The following RGS7 variants were observed in gnomAD, a reference collection of about 807,000 sequenced individuals.
RGS7 encodes the protein regulator of G-protein signaling 7.
Under a neutral mutation model 81.1 loss-of-function variants are expected in RGS7, and 27 were observed. The ratio of observed to expected loss-of-function variants is 0.33; its 90% CI spans 0.25 to 0.46. The LOEUF (loss-of-function observed/expected upper bound fraction) is 0.46. Ranked by LOEUF, RGS7 falls within the 20% of genes least tolerant of loss-of-function variation. RGS7 has a pLI of 1.00. For synonymous variants in RGS7, 208 were observed against 207.7 expected, an observed-to-expected ratio of 1.00 and a Z score of -0.01; for missense variants, 396 against 607.4, an observed-to-expected ratio of 0.65 and a Z score of 3.66.
At chr1:240,927,065 G>A (rs1266047148) in intron 6 of RGS7, among the ~76,000 whole-genome samples, 1 of 151,268 alleles carries the variant, frequency 6.6e-6, no homozygotes, top group East Asian at 1.9e-4. Flanking sequence ...TTTTTGTTTT[G>A]TTTTGTTTTG....
intron 2 of RGS7, among the ~76,000 whole-genome samples, chr1:241,110,249 A>C (rs934670767): frequency 3.3e-5 from 5 of 152,208 alleles, no homozygotes; most frequent in Non-Finnish European, 7.3e-5. Context: ...TAACCCTGGA[A>C]GTCCGAATCA....
At chr1:240,856,680 A>G (rs1318678681) in intron 9 of RGS7, among the ~76,000 whole-genome samples, 2 of 152,162 alleles carry the variant, frequency 1.3e-5, no homozygotes, top group Non-Finnish European at 1.5e-5. Context: ...TGTCCATACA[A>G]CCGTGGTGCA....
rs2068126605 is a variant in RGS7 at position 241,144,202 on chromosome 1, C to A, written c.79-45440G>T. On this transcript the variant is annotated intron_variant, in intron 2 of 18. Transcript: ENST00000440928. The surrounding 1 kb of genome is among the most constrained non-coding windows in gnomAD (Gnocchi z 4.7). ...CAGAGTACTTCTGGAAGCTGAACAA[C>A]AGTGTCTCCTGTTAAAAAATTCAAA... 6.6e-6 allele frequency among the ~76,000 whole-genome samples: 1 copy of A among 152,066 alleles called. No homozygotes were observed. Among genetic ancestry groups the A allele is most frequent in the South Asian group, 2.1e-4 (1 of 4,820 alleles).
chr1:241,311,505 T>C (rs533883854), intron 2 of RGS7, among the ~76,000 whole-genome samples: 2 of 152,300 alleles, frequency 1.3e-5, no homozygotes, highest in South Asian at 2.1e-4. Context: ...TTGTGAGTTA[T>C]TGGAAAGTGG....
At chr1:240,837,647 A>C (rs1694936220) in intron 9 of RGS7, among the ~76,000 whole-genome samples, 1 of 152,226 alleles carries the variant, frequency 6.6e-6, no homozygotes, top group East Asian at 1.9e-4. Flanking sequence ...AAATTAAGAC[A>C]TGAAATCTAG....
chr1:241,124,020 T>C (rs949364759), intron 2 of RGS7, among the ~76,000 whole-genome samples: 1 of 152,058 alleles, frequency 6.6e-6, no homozygotes, highest in African/African-American at 2.4e-5. Flanking sequence ...ACTGATGAAA[T>C]GAATCACTCC....
At chr1:241,094,613 A>AC (rs10639998) in intron 3 of RGS7, among the ~76,000 whole-genome samples, 36,031 of 151,218 alleles carry the variant, frequency 0.24, 4,604 homozygotes, top group African/African-American at 0.32. Context: ...TAAAACCAAA[A>AC]CAAAAACAAA....
At chr1:241,097,163 T>C (rs553945480) in intron 3 of RGS7, among the ~76,000 whole-genome samples, 1 of 151,774 alleles carries the variant, frequency 6.6e-6, no homozygotes, top group African/African-American at 2.4e-5. Context: ...TTTTCACCAA[T>C]GAGCTCTCTG....
At chr1:240,856,905 G>C (rs1661231726) in intron 9 of RGS7, among the ~76,000 whole-genome samples, 1 of 152,130 alleles carries the variant, frequency 6.6e-6, no homozygotes, top group Non-Finnish European at 1.5e-5. Context: ...CATTGATCAT[G>C]TCAAGAATGA....
chr1:240,870,171 T>C (rs1178857528), intron 6 of RGS7, 52 bp from the exon 7 acceptor site: 2 of 1,463,288 alleles, frequency 1.4e-6, no homozygotes, highest in South Asian at 2.3e-5. Flanking sequence ...CATGGCACTA[T>C]AAGTAAAAGT....
intron 2 of RGS7, among the ~76,000 whole-genome samples, chr1:241,191,824 A>G (rs1214189445): frequency 6.6e-6 from 1 of 152,156 alleles, no homozygotes; most frequent in African/African-American, 2.4e-5. Flanking sequence ...TTTACTTGTA[A>G]TTTGTTTGGA....
chr1:241,095,819 ATAT>A (rs2064206146), intron 3 of RGS7, among the ~76,000 whole-genome samples: 1 of 152,160 alleles, frequency 6.6e-6, no homozygotes, highest in South Asian at 2.1e-4. Flanking sequence ...GCTACACAAC[ATAT>A]TATTGTTAAC....
chr1:240,866,224 G>A (rs757617697), intron 9 of RGS7, among the ~76,000 whole-genome samples: 119 of 152,276 alleles, frequency 7.8e-4, no homozygotes, highest in African/African-American at 2.7e-3. Context: ...GAAAATAAGG[G>A]ATGATGGCCG....
chr1:241,331,235 CT>C (rs1369993107), intron 2 of RGS7, among the ~76,000 whole-genome samples: 2 of 152,110 alleles, frequency 1.3e-5, no homozygotes, highest in African/African-American at 4.8e-5. Flanking sequence ...ACCACAAGGT[CT>C]GCAAAACCTC....
At chr1:241,302,569 C>A (rs2079836360) in intron 2 of RGS7, among the ~76,000 whole-genome samples, 1 of 151,962 alleles carries the variant, frequency 6.6e-6, no homozygotes, top group Admixed American at 6.6e-5. Context: ...AACAAACAAA[C>A]AAAAAACTTT....
chr1:241,097,953 G>A lies in RGS7; in HGVS notation c.175+713C>T, dbSNP rs148753703. Among the ~76,000 whole-genome samples, 365 of 152,140 alleles carry A rather than the reference G, an allele frequency of 2.4e-3. 6 individuals carry two copies. The highest frequency in any genetic ancestry group is 2.3e-3 in the Non-Finnish European group (156 of 68,012). On this transcript the variant is annotated intron_variant, in intron 3 of 18. Transcript: ENST00000440928. The stretch of plus-strand genomic sequence containing the variant: ...GCCTAGTTATTCACTAAACCCTCAC[G>A]CTCTTTCCTCTCTATTCCTTCAGCC...
At chr1:241,204,266 A>C (rs2073727857) in intron 2 of RGS7, among the ~76,000 whole-genome samples, 1 of 152,234 alleles carries the variant, frequency 6.6e-6, no homozygotes. Flanking sequence ...TTGGATTGAA[A>C]GGATCCCAGA....
At chr1:241,339,383 C>A (rs755473848) in intron 2 of RGS7, among the ~76,000 whole-genome samples, 1 of 152,102 alleles carries the variant, frequency 6.6e-6, no homozygotes, top group Non-Finnish European at 1.5e-5. Context: ...TTAAATTGAA[C>A]CATATGCATA....
At chr1:241,107,272 G>T (rs1278406704) in intron 2 of RGS7, among the ~76,000 whole-genome samples, 1 of 152,106 alleles carries the variant, frequency 6.6e-6, no homozygotes, top group Non-Finnish European at 1.5e-5. Context: ...TACAGTTTGT[G>T]AAATTAAATA....
Sources: allele counts gnomAD v4.1 joint callset (sites outside exome capture counted in the v4.1 genomes callset), GRCh38; gene constraint gnomAD v4.1.1; non-coding constraint Gnocchi (gnomAD v3.1); transcripts MANE v1.5; gene names NCBI Gene and HGNC (gene_info 2026-07-23, HGNC 2026-07-21).